Variants in STXBP5L observed in about 807,000 individuals in gnomAD.
STXBP5L encodes the protein syntaxin binding protein 5L.
STXBP5L carries 65 observed loss-of-function variants against 144.5 expected under a neutral mutation model. That is an observed-to-expected ratio of 0.45 (90% CI 0.37 to 0.55). STXBP5L has a LOEUF of 0.55. Ranked by LOEUF, STXBP5L falls within the 20% of genes least tolerant of loss-of-function variation. The pLI, the probability that STXBP5L is intolerant of heterozygous loss-of-function variation, is 0.00. For synonymous variants in STXBP5L, 505 were observed against 469.6 expected (o/e 1.08, Z -0.97); for missense variants, 1,298 against 1,405.5 (o/e 0.92, Z 1.22).
chr3:121,082,488 A>G (rs1001365392), intron 5 of STXBP5L, among the ~76,000 whole-genome samples: 2 of 152,226 alleles, frequency 1.3e-5, no homozygotes, highest in African/African-American at 4.8e-5. Flanking sequence ...AGGCAGAGGC[A>G]GCTTTATCTG....
At chr3:121,301,997 C>T (rs1395124349) in intron 19 of STXBP5L, among the ~76,000 whole-genome samples, 1 of 152,150 alleles carries the variant, frequency 6.6e-6, no homozygotes, top group Non-Finnish European at 1.5e-5. Flanking sequence ...GGATATTGGT[C>T]TAAAATTCTC....
intron 22 of STXBP5L, among the ~76,000 whole-genome samples, chr3:121,383,850 T>G (rs972721973): frequency 3.3e-5 from 5 of 152,154 alleles, no homozygotes; most frequent in Non-Finnish European, 5.9e-5. Context: ...TTATGGGAAC[T>G]ATTATGGGTA....
chr3:121,385,685 T>C (rs1352987170), intron 22 of STXBP5L, among the ~76,000 whole-genome samples: 1 of 152,200 alleles, frequency 6.6e-6, no homozygotes, highest in Non-Finnish European at 1.5e-5. Flanking sequence ...TCCCTTTTAC[T>C]CACTGCCTTC....
chr3:121,243,661 C>T (rs1411988142), intron 14 of STXBP5L, among the ~76,000 whole-genome samples: 1 of 151,824 alleles, frequency 6.6e-6, no homozygotes, highest in Admixed American at 6.6e-5. Flanking sequence ...CTCAAAATAT[C>T]TCACTTTTAT....
At chr3:120,989,544 C>A (rs928261925) in intron 3 of STXBP5L, among the ~76,000 whole-genome samples, 1 of 152,180 alleles carries the variant, frequency 6.6e-6, no homozygotes, top group Admixed American at 6.5e-5. Flanking sequence ...CTTAACCTGT[C>A]GGATGCATAG....
intron 3 of STXBP5L, among the ~76,000 whole-genome samples, chr3:121,018,934 G>A (rs914048478): frequency 6.6e-6 from 1 of 152,198 alleles, no homozygotes; most frequent in East Asian, 1.9e-4. Context: ...GAAACCGTGA[G>A]CCTGCTTGCT....
intron 5 of STXBP5L, among the ~76,000 whole-genome samples, chr3:121,087,049 T>G (rs2042533326): frequency 6.6e-6 from 1 of 152,108 alleles, no homozygotes; most frequent in Admixed American, 6.6e-5. Flanking sequence ...GAGAAAATAT[T>G]TTATATAACT....
chr3:121,244,261 A>AT (rs1284512496), intron 14 of STXBP5L, among the ~76,000 whole-genome samples: 9 of 152,058 alleles, frequency 5.9e-5, no homozygotes, highest in Non-Finnish European at 1.3e-4. Context: ...GTATATGATA[A>AT]TTGATTTGAA....
intron 9 of STXBP5L, among the ~76,000 whole-genome samples, chr3:121,187,600 TAA>T (rs60294540): frequency 6.2e-5 from 9 of 146,286 alleles, no homozygotes; most frequent in East Asian, 2.0e-4. Flanking sequence ...CCATGAATGA[TAA>T]AAAAAAAAGA....
chr3:121,033,479 C>T (rs964464875), intron 3 of STXBP5L, among the ~76,000 whole-genome samples: 1 of 137,998 alleles, frequency 7.2e-6, no homozygotes, highest in Non-Finnish European at 1.5e-5. Context: ...CTAGATGACA[C>T]GTTAGTGGGT....
At chr3:121,070,844 T>A (rs1560089550) in intron 5 of STXBP5L, among the ~76,000 whole-genome samples, 2 of 152,228 alleles carry the variant, frequency 1.3e-5, no homozygotes, top group Non-Finnish European at 2.9e-5. Flanking sequence ...TTTACAAGTT[T>A]ACTGACCCTG....
chr3:121,042,319 A>G (rs1312689516), intron 4 of STXBP5L, among the ~76,000 whole-genome samples: 2 of 152,168 alleles, frequency 1.3e-5, no homozygotes, highest in African/African-American at 2.4e-5. Flanking sequence ...AATTATGGTG[A>G]TGAGGAACTC....
intron 20 of STXBP5L, among the ~76,000 whole-genome samples, chr3:121,334,439 C>CA (rs144987474): frequency 0.15 from 21,071 of 142,592 alleles, 1,851 homozygotes; most frequent in South Asian, 0.27. Context: ...AGGGACACAA[C>CA]AACAAAAAAA....
At chr3:121,291,663 C>T (rs1360666320) in intron 19 of STXBP5L, among the ~76,000 whole-genome samples, 2 of 152,146 alleles carry the variant, frequency 1.3e-5, no homozygotes, top group Non-Finnish European at 2.9e-5. Flanking sequence ...AACTACACTA[C>T]AAGGCTATCG....
intron 18 of STXBP5L, among the ~76,000 whole-genome samples, chr3:121,271,131 A>G (rs2050722593): frequency 6.6e-6 from 1 of 152,172 alleles, no homozygotes; most frequent in South Asian, 2.1e-4. Flanking sequence ...TTACCCTTCT[A>G]TATTTATAAG....
intron 3 of STXBP5L, among the ~76,000 whole-genome samples, chr3:121,027,153 C>T (rs566072380): frequency 6.6e-6 from 1 of 151,684 alleles, no homozygotes; most frequent in South Asian, 2.1e-4. Flanking sequence ...ATGTATATAT[C>T]CATTGGATTC....
intron 5 of STXBP5L, among the ~76,000 whole-genome samples, chr3:121,093,211 A>C (rs948074028): frequency 6.6e-6 from 1 of 152,200 alleles, no homozygotes; most frequent in Admixed American, 6.5e-5. Context: ...AATGTTCATC[A>C]AGGACATTGG....
chr3:120,966,070 C>T (rs921414360), intron 3 of STXBP5L, among the ~76,000 whole-genome samples: 3 of 152,142 alleles, frequency 2.0e-5, no homozygotes, highest in Admixed American at 1.3e-4. Context: ...TTGATCGAAT[C>T]AGCTTTTGAA....
intron 22 of STXBP5L, among the ~76,000 whole-genome samples, chr3:121,393,121 C>T (rs981125093): frequency 6.6e-6 from 1 of 151,238 alleles, no homozygotes; most frequent in African/African-American, 2.4e-5. Context: ...AATAGCCATT[C>T]TGACTGGTAT....
Sources: gnomAD v4.1 joint callset for allele counts (sites outside exome capture counted in the v4.1 genomes callset) on GRCh38, gnomAD v4.1.1 for gene constraint, MANE v1.5 for transcripts, NCBI Gene and HGNC (gene_info 2026-07-23, HGNC 2026-07-21) for gene names.